CD1E: variants seen among roughly 807,000 people sequenced by gnomAD.
CD1E encodes T-cell surface glycoprotein CD1e, membrane-associated.
Under a neutral mutation model 40.1 loss-of-function variants are expected in CD1E, and 49 were observed. The ratio of observed to expected loss-of-function variants is 1.22; its 90% CI spans 0.97 to 1.55. The LOEUF (loss-of-function observed/expected upper bound fraction) is 1.55. CD1E is among the 40% of genes most tolerant of loss of function. The pLI, the probability that CD1E is intolerant of heterozygous loss-of-function variation, is 0.00. For missense variants in CD1E, 492 were observed against 471.3 expected (o/e 1.04, Z -0.41); for synonymous variants, 189 against 178.3 (o/e 1.06, Z -0.48).
At position 158,355,465 on chromosome 1, in the gene CD1E, G is replaced by C. The variant is rs747611523; in HGVS notation, c.521G>C (p.Arg174Pro). Residue 174 changes from arginine to proline, a missense_variant, in exon 3 of 6, where the codon CGC becomes CCC. By Grantham distance (103) the Arg-to-Pro change is moderately radical. Transcript: ENST00000368167. The stretch of plus-strand genomic sequence containing the variant: ...CAGAACATCTGTAAAGTGCTCAATC[G>C]CTACCTAGATATTAAGGAAATACTG... ...RAQNICKVLNRYLDIKEILQS... is the reference protein window; with the variant it reads ...RAQNICKVLNPYLDIKEILQS... 1 of 1,614,056 alleles carries C rather than the reference G, an allele frequency of 6.2e-7. No homozygotes were observed. The highest frequency in any genetic ancestry group is 8.5e-7 in the Non-Finnish European group (1 of 1,180,000).
At position 158,355,346 on chromosome 1, in the gene CD1E, A is replaced by G. The variant is rs562954706; in HGVS notation, c.402A>G (p.Pro134=). The change falls in exon 3 of 6, where the codon CCA becomes CCG. Residue 134 remains proline, a synonymous_variant. Coordinates refer to ENST00000368167, the MANE Select transcript of CD1E (RefSeq NM_030893.4). ...QILAGCRMNA[P]QIFLNMAYQG... ...TAGCTGGCTGTAGAATGAATGCCCCACAAATCTTCTTAAATATGGCATATC... is the reference window on the plus strand; with the variant it reads ...TAGCTGGCTGTAGAATGAATGCCCCGCAAATCTTCTTAAATATGGCATATC... 194 of 1,614,006 alleles carry G rather than the reference A, an allele frequency of 1.2e-4. 3 individuals carry two copies. In the South Asian group the frequency reaches 2.0e-3, roughly 17 times the overall value.
rs768143512 is a variant in CD1E at position 158,354,089 on chromosome 1, A to G, written c.58+43A>G. 19 of 1,537,996 alleles carry G rather than the reference A, an allele frequency of 1.2e-5. 1 individual carries two copies. In the Middle Eastern group the frequency reaches 7.0e-4, roughly 57 times the overall value. ...GGAAAGATACCTATGGTAGGGCACC[A>G]GAGGGCTGAGAGGAAGCTCTGGGGA... is the stretch of plus-strand genomic sequence containing the variant. On this transcript the variant is annotated intron_variant, in intron 1 of 5. Coordinates refer to ENST00000368167, the MANE Select transcript of CD1E (RefSeq NM_030893.4).
In CD1E at chr1:158,356,196, G is replaced by A. The variant is rs780032424; in HGVS notation, c.904+91G>A. 3 of 1,420,150 alleles carry A rather than the reference G, an allele frequency of 2.1e-6. No homozygotes were observed. In the South Asian group the frequency reaches 3.9e-5, roughly 19 times the overall value. 88.0% of individuals were successfully genotyped at this position (1,420,150 alleles called of 1,614,324 possible). On this transcript the variant is annotated intron_variant, in intron 4 of 5. Transcript: ENST00000368167. Reference sequence around the variant, plus strand: ...CTGAGGAAATGGGTAGGAATGCTAGGTACAAGAAGGGTAAAACTGGGACAA... The same window carrying A: ...CTGAGGAAATGGGTAGGAATGCTAGATACAAGAAGGGTAAAACTGGGACAA...
chr1:158,355,716 GA>G, intron 3 of CD1E, 110 bp from the exon 4 acceptor site: 1 of 1,411,526 alleles, frequency 7.1e-7, no homozygotes, highest in Non-Finnish European at 9.5e-7. Context: ...ACAAGAGAAA[GA>G]AGTGATTACT....
At chr1:158,354,327 T>A in intron 1 of CD1E, 50 bp from the exon 2 acceptor site, 1 of 1,516,128 alleles carries the variant, frequency 6.6e-7, no homozygotes, top group Non-Finnish European at 8.9e-7. Context: ...TTGGCATCAC[T>A]TTTCCCATCC....
At chr1:158,356,136 T>C (rs1235623632) in intron 4 of CD1E, 31 bp downstream of exon 4, 9 of 1,610,718 alleles carry the variant, frequency 5.6e-6, no homozygotes, top group South Asian at 1.1e-5. Flanking sequence ...TGCTGGGAAA[T>C]AATGAAAATA....
intron 4 of CD1E, 144 bp from the exon 5 acceptor site, chr1:158,356,354 C>A (rs1426506004): frequency 3.8e-6 from 3 of 791,186 alleles, no homozygotes; most frequent in African/African-American, 3.5e-5. Flanking sequence ...AGATCACAGA[C>A]AAAGGATCAG....
intron 2 of CD1E, 115 bp from the exon 3 acceptor site, chr1:158,355,185 C>T: frequency 1.0e-6 from 1 of 979,854 alleles, no homozygotes; most frequent in Non-Finnish European, 1.5e-6. Flanking sequence ...ACTCTAGTCT[C>T]CATATGATTT....
At position 158,355,525 on chromosome 1, in the gene CD1E, T is replaced by C. The variant is rs200741122; in HGVS notation, c.581T>C (p.Leu194Pro). The change falls in exon 3 of 6, where the codon CTA (leucine) becomes CCA (proline). Residue 194 changes from leucine to proline, a missense_variant. Coordinates refer to ENST00000368167, the MANE Select transcript of CD1E (RefSeq NM_030893.4). ...SLLGHTCPRF[L>P]AGLMEAGESE... is the part of the protein sequence containing the mutation. ...CTTGGTCACACCTGCCCTCGATTTCTAGCGGGGCTCATGGAAGCAGGGGAG... is the reference window on the plus strand; with the variant it reads ...CTTGGTCACACCTGCCCTCGATTTCCAGCGGGGCTCATGGAAGCAGGGGAG... 4.5e-5 allele frequency: 73 copies of C among 1,614,140 alleles called. No homozygotes were observed. Among genetic ancestry groups the C allele is most frequent in the Admixed American group, 1.8e-4 (11 of 60,022 alleles).
At chr1:158,355,167 G>C (rs1653464226) in intron 2 of CD1E, 133 bp from the exon 3 acceptor site, 2 of 802,834 alleles carry the variant, frequency 2.5e-6, no homozygotes, top group South Asian at 3.5e-5. Flanking sequence ...CTTCCCCTTT[G>C]CCAGTAAACT....
rs1032010187 is a variant in CD1E, at chr1:158,357,104, C to T, written c.*208C>T. 6 of 520,474 alleles carry T rather than the reference C, an allele frequency of 1.2e-5. No homozygotes were observed. The highest frequency in any genetic ancestry group is 3.9e-4 in the Middle Eastern group (1 of 2,586). 32.2% of individuals were successfully genotyped at this position (520,474 alleles called of 1,614,324 possible). On this transcript the variant is annotated 3_prime_UTR_variant, in exon 6 of 6. Transcript: ENST00000368167. Reference sequence around the variant, plus strand: ...ATTGTTTATTTTTGAAACTATAATCCAGATACTTCTTTTTCATGGATTCCC... The same window carrying T: ...ATTGTTTATTTTTGAAACTATAATCTAGATACTTCTTTTTCATGGATTCCC...
At chr1:158,354,806 T>A in intron 2 of CD1E, 133 bp downstream of exon 2, 1 of 749,542 alleles carries the variant, frequency 1.3e-6, no homozygotes, top group Non-Finnish European at 2.1e-6. Flanking sequence ...TCCCACTCCC[T>A]CCTCTGCTTC....
Position 158,355,569 on chromosome 1 carries a change from G to C in CD1E, c.625G>C (p.Val209Leu), listed in dbSNP as rs1430551153. ...AGGGGAGTCAGAACTGAAACGGAAA[G>C]GTGAGCCCAACTCTCTCTCTCCCCT... The part of the protein sequence containing the change: ...EAGESELKRK[V>L]KPEAWLSCGP... Residue 209 changes from valine to leucine, a missense_variant and splice_region_variant, in exon 3 of 6, where the codon GTG becomes CTG. Coordinates refer to ENST00000368167, the MANE Select transcript of CD1E (RefSeq NM_030893.4). 6.2e-7 allele frequency: 1 copy of C among 1,613,310 alleles called. No homozygotes were observed. The highest frequency in any genetic ancestry group is 8.5e-7 in the Non-Finnish European group (1 of 1,179,558).
In CD1E at chr1:158,356,125, C is replaced by G; in HGVS notation, c.904+20C>G. The G allele has an allele frequency of 1.2e-6, 2 of 1,612,682 alleles. No individual in the cohort carries two copies. Among genetic ancestry groups the G allele is most frequent in the Non-Finnish European group, 8.5e-7 (1 of 1,179,300 alleles). Reference sequence around the variant, plus strand: ...ATTGGGGTGAGAAACAGCTGAGGCTCTGCTGGGAAATAATGAAAATAGCCC... The same window carrying G: ...ATTGGGGTGAGAAACAGCTGAGGCTGTGCTGGGAAATAATGAAAATAGCCC... On this transcript the variant is annotated intron_variant, in intron 4 of 5. Coordinates refer to ENST00000368167, the MANE Select transcript of CD1E (RefSeq NM_030893.4).
At chr1:158,355,667 C>G in intron 3 of CD1E, 98 bp downstream of exon 3, 1 of 1,445,320 alleles carries the variant, frequency 6.9e-7, no homozygotes, top group Non-Finnish European at 9.3e-7. Flanking sequence ...TAGTGAGAGA[C>G]TAGAGAATGA....
At position 158,355,829 on chromosome 1, in the gene CD1E, A is replaced by G; in HGVS notation, c.628A>G (p.Lys210Glu). 1 of 1,607,502 alleles carries G rather than the reference A, an allele frequency of 6.2e-7. No homozygotes were observed. Among genetic ancestry groups the G allele is most frequent in the South Asian group, 1.1e-5 (1 of 90,816 alleles). The stretch of plus-strand genomic sequence containing the variant: ...TTTTTCTATCTTCTTCTTCCTAGTG[A>G]AGCCAGAGGCCTGGCTGTCCTGTGG... The part of the protein sequence containing the change: ...AGESELKRKV[K>E]PEAWLSCGPS... The change falls in exon 4 of 6, where the codon AAG (lysine) becomes GAG (glutamate). Residue 210 changes from lysine (K) to glutamate (E), a missense_variant and splice_region_variant. Coordinates refer to ENST00000368167, the MANE Select transcript of CD1E (RefSeq NM_030893.4).
chr1:158,355,622 T>A (rs571706448), intron 3 of CD1E, 53 bp downstream of exon 3: 1 of 1,556,990 alleles, frequency 6.4e-7, no homozygotes, highest in Non-Finnish European at 8.7e-7. Context: ...AACTCTCATA[T>A]TTGAATTTGC....
rs1557841057 is a variant in CD1E at position 158,356,857 on chromosome 1, A to G, written c.1128A>G (p.Val376=). The G allele has an allele frequency of 1.2e-6, 2 of 1,614,072 alleles. No homozygotes were observed. Among genetic ancestry groups the G allele is most frequent in the Non-Finnish European group, 1.7e-6 (2 of 1,180,012 alleles). ...LAQVSWIKNR[V]LKKWKTRLNQ... ...AAGTATCGTGGATCAAAAACAGAGT[A>G]TTGAAGAAGTGGAAGACACGCCTAA... The change falls in exon 6 of 6, where the codon GTA becomes GTG. Residue 376 remains valine (V), a synonymous_variant. Coordinates refer to ENST00000368167, the MANE Select transcript of CD1E (RefSeq NM_030893.4).
In CD1E at chr1:158,357,457, T is replaced by C. The variant is rs1205684773; in HGVS notation, c.*561T>C. 6.6e-6 allele frequency: 1 copy of C among 152,282 alleles called. No individual in the cohort carries two copies. Among genetic ancestry groups the C allele is most frequent in the Admixed American group, 6.5e-5 (1 of 15,296 alleles). 9.4% of individuals were successfully genotyped at this position (152,282 alleles called of 1,614,324 possible). ...TTTTCAAACAAGAGATATTGTATTT[T>C]CATTTTTCACTGACCCCACAAATTA... On this transcript the variant is annotated 3_prime_UTR_variant, in exon 6 of 6. Coordinates refer to ENST00000368167, the MANE Select transcript of CD1E (RefSeq NM_030893.4).
Sources: allele counts gnomAD v4.1 joint callset, GRCh38; gene constraint gnomAD v4.1.1; transcripts MANE v1.5; gene names NCBI Gene and HGNC (gene_info 2026-07-23, HGNC 2026-07-21).